AVL9: variants seen among roughly 807,000 people sequenced by gnomAD.
AVL9 encodes the protein AVL9 cell migration associated.
In AVL9, 49 loss-of-function variants were observed where a neutral mutation model predicts 79.2. The ratio of observed to expected loss-of-function variants is 0.62; its 90% confidence interval spans 0.49 to 0.79. AVL9 has a LOEUF of 0.79. AVL9 is among the 30% of genes least tolerant of loss of function. AVL9 has a pLI of 0.00. For missense variants in AVL9, 682 were observed against 776.8 expected, an observed-to-expected ratio of 0.88 and a Z score of 1.45; for synonymous variants, 299 against 280.6, an observed-to-expected ratio of 1.07 and a Z score of -0.65.
rs1337156530 is a variant in AVL9, at chr7:32,587,263, G to T, written c.*3356G>T. 1 of 152,222 alleles carries T rather than the reference G, an allele frequency of 6.6e-6. No individual in the cohort carries two copies. Among genetic ancestry groups the T allele is most frequent in the African/African-American group, 2.4e-5 (1 of 41,464 alleles). 9.4% of individuals were successfully genotyped at this position (152,222 alleles called of 1,614,324 possible). A position where few individuals can be genotyped will look rare whatever the true frequency, so the allele number is the denominator to read the frequency against. On this transcript the variant is annotated 3_prime_UTR_variant, in exon 16 of 16. Transcript: ENST00000318709. ...TCTGAATGGAAGTATTTTGAGAGCA[G>T]TATTTCATGTGCTAAGGGTTATAAG...
chr7:32,543,772 T>G (rs1789328862), intron 2 of AVL9, among the ~76,000 whole-genome samples: 1 of 152,236 alleles, frequency 6.6e-6, no homozygotes, highest in African/African-American at 2.4e-5. Flanking sequence ...GGCTGTGAAG[T>G]TCTTACCGAA....
At chr7:32,558,695 T>C in intron 9 of AVL9, 67 bp downstream of exon 9, 1 of 1,350,434 alleles carries the variant, frequency 7.4e-7, no homozygotes, top group Non-Finnish European at 1.0e-6. Flanking sequence ...CTTTTAGAAA[T>C]AAAGTTTCAA....
chr7:32,563,908 A>T (rs910881192), intron 10 of AVL9, among the ~76,000 whole-genome samples: 1 of 152,152 alleles, frequency 6.6e-6, no homozygotes, highest in African/African-American at 2.4e-5. Flanking sequence ...CAGTTTCTTA[A>T]AACTGGAATT....
intron 1 of AVL9, among the ~76,000 whole-genome samples, chr7:32,507,111 C>T (rs1247189499): frequency 6.6e-6 from 1 of 152,092 alleles, no homozygotes; most frequent in African/African-American, 2.4e-5. Context: ...TGGTCCTCTA[C>T]AGTTGGCAAA....
intron 3 of AVL9, among the ~76,000 whole-genome samples, chr7:32,548,144 C>CTCTCTTTTTTTTTTTTTTTTTTTTT (rs1227025763): frequency 5.2e-5 from 3 of 57,594 alleles, no homozygotes; most frequent in African/African-American, 1.6e-4. Context: ...TTTGTCATCT[C>CTCTCTTTTTTTTTTTTTTTTTTTTT]TTTTTTCTTT....
At chr7:32,569,775 A>C (rs937708226) in intron 10 of AVL9, among the ~76,000 whole-genome samples, 2 of 152,230 alleles carry the variant, frequency 1.3e-5, no homozygotes, top group African/African-American at 2.4e-5. Context: ...GACAACCTTC[A>C]TATTAAACCA....
chr7:32,586,347 C>A lies in AVL9; in HGVS notation c.*2440C>A, dbSNP rs544543764. 6.6e-6 allele frequency: 1 copy of A among 152,208 alleles called. No homozygotes were observed. Among genetic ancestry groups the A allele is most frequent in the South Asian group, 2.1e-4 (1 of 4,790 alleles). 9.4% of individuals were successfully genotyped at this position (152,208 alleles called of 1,614,324 possible). A position where few individuals can be genotyped will look rare whatever the true frequency, so the allele number is the denominator to read the frequency against. On this transcript the variant is annotated 3_prime_UTR_variant, in exon 16 of 16. Transcript: ENST00000318709. ...GGTCAAAAGACCATAGCTATATTTC[C>A]TTCAGGTTCTGGGAGGTGGAGTTTT... is the stretch of plus-strand genomic sequence containing the variant.
At chr7:32,570,666 C>T (rs1790791570) in intron 11 of AVL9, among the ~76,000 whole-genome samples, 1 of 151,070 alleles carries the variant, frequency 6.6e-6, no homozygotes, top group Non-Finnish European at 1.5e-5. Context: ...GTTGCCCAGG[C>T]TGGAGTGCAA....
At chr7:32,550,380 C>T (rs979805460) in intron 4 of AVL9, among the ~76,000 whole-genome samples, 7 of 151,742 alleles carry the variant, frequency 4.6e-5, no homozygotes, top group South Asian at 4.2e-4. Context: ...GTAAAAAAAT[C>T]GAGTTTTATC....
chr7:32,530,462 T>C (rs1380949014), intron 1 of AVL9, among the ~76,000 whole-genome samples: 1 of 152,238 alleles, frequency 6.6e-6, no homozygotes, highest in East Asian at 1.9e-4. Flanking sequence ...TGCAAATACT[T>C]ACGTTTCAAT....
intron 3 of AVL9, among the ~76,000 whole-genome samples, chr7:32,547,479 G>A (rs780438928): frequency 1.3e-5 from 2 of 152,110 alleles, no homozygotes; most frequent in African/African-American, 4.8e-5. Flanking sequence ...TTTATTACCC[G>A]TATGTCATGT....
At chr7:32,544,475 A>T (rs1789377817) in intron 2 of AVL9, among the ~76,000 whole-genome samples, 1 of 152,172 alleles carries the variant, frequency 6.6e-6, no homozygotes, top group Admixed American at 6.5e-5. Flanking sequence ...ACCTGTTATA[A>T]TTCAGTCTCT....
chr7:32,545,644 T>G (rs942164182), intron 3 of AVL9, among the ~76,000 whole-genome samples: 1 of 152,160 alleles, frequency 6.6e-6, no homozygotes, highest in South Asian at 2.1e-4. Context: ...CATGAGCCAC[T>G]GTGTCCAGCC....
chr7:32,573,546 T>TA, intron 12 of AVL9, 128 bp downstream of exon 12: 1 of 814,888 alleles, frequency 1.2e-6, no homozygotes. Flanking sequence ...TATTCCCTCA[T>TA]ACAAAGATAG....
intron 1 of AVL9, chr7:32,533,900 T>G (rs1788777062): frequency 6.6e-6 from 1 of 152,210 alleles, no homozygotes; most frequent in East Asian, 1.9e-4. Context: ...CATAGTGCAT[T>G]GTTAAAAAGT....
intron 1 of AVL9, among the ~76,000 whole-genome samples, chr7:32,515,532 T>C (rs954180154): frequency 6.6e-6 from 1 of 152,210 alleles, no homozygotes; most frequent in African/African-American, 2.4e-5. Context: ...TCCATGACAA[T>C]AGAAGGCAGG....
At chr7:32,501,055 T>C (rs1428844658) in intron 1 of AVL9, among the ~76,000 whole-genome samples, 2 of 152,164 alleles carry the variant, frequency 1.3e-5, no homozygotes, top group African/African-American at 2.4e-5. Flanking sequence ...GTGAAGAAAA[T>C]GGCAGATTTT....
chr7:32,501,697 C>G (rs1393842721), intron 1 of AVL9, among the ~76,000 whole-genome samples: 1 of 152,220 alleles, frequency 6.6e-6, no homozygotes, highest in African/African-American at 2.4e-5. Context: ...TGGGTCCTCC[C>G]AGCTAGCAAG....
At chr7:32,528,961 G>A (rs1285671040) in intron 1 of AVL9, among the ~76,000 whole-genome samples, 8 of 152,182 alleles carry the variant, frequency 5.3e-5, no homozygotes, top group Non-Finnish European at 8.8e-5. Context: ...AGTGAGCCAA[G>A]ATCGCGCCAC....
Sources: gnomAD v4.1 joint callset for allele counts (sites outside exome capture counted in the v4.1 genomes callset) on GRCh38, gnomAD v4.1.1 for gene constraint, MANE v1.5 for transcripts, NCBI Gene and HGNC (gene_info 2026-07-23, HGNC 2026-07-21) for gene names.